MDGA2: variants seen among roughly 807,000 people sequenced by gnomAD.
MDGA2 encodes the protein MAM domain-containing glycosylphosphatidylinositol anchor protein 2.
MDGA2 carries 40 observed loss-of-function variants against 117.8 expected under a neutral mutation model. The ratio of observed to expected loss-of-function variants is 0.34; its 90% CI spans 0.26 to 0.44. The LOEUF (loss-of-function observed/expected upper bound fraction) is 0.44. Ranked by LOEUF, MDGA2 falls within the 20% of genes least tolerant of loss-of-function variation. The pLI, the probability that MDGA2 is intolerant of heterozygous loss-of-function variation, is 1.00. For missense variants in MDGA2, 1,123 were observed against 1,250.6 expected, an observed-to-expected ratio of 0.90 and a Z score of 1.54; for synonymous variants, 452 against 439.0, an observed-to-expected ratio of 1.03 and a Z score of -0.37.
intron 1 of MDGA2, among the ~76,000 whole-genome samples, chr14:47,461,265 A>ATGTGTGTG (rs1415422668): frequency 2.3e-4 from 3 of 13,268 alleles, no homozygotes; most frequent in South Asian, 4.8e-3. Flanking sequence ...AGTTAAAAAA[A>ATGTGTGTG]TGTATGTGTG....
intron 5 of MDGA2, among the ~76,000 whole-genome samples, chr14:47,120,834 C>G (rs1454047534): frequency 6.6e-6 from 1 of 152,140 alleles, no homozygotes; most frequent in Non-Finnish European, 1.5e-5. Flanking sequence ...TGAACTACCA[C>G]ATAGAGTCAT....
chr14:47,159,374 A>G (rs549719069), intron 3 of MDGA2, among the ~76,000 whole-genome samples: 6 of 152,330 alleles, frequency 3.9e-5, no homozygotes, highest in African/African-American at 1.2e-4. Context: ...CCTCCAAGGT[A>G]GAGCTCTAAT....
chr14:46,876,701 A>G (rs1224966202), intron 12 of MDGA2, among the ~76,000 whole-genome samples: 1 of 144,594 alleles, frequency 6.9e-6, no homozygotes, highest in African/African-American at 2.4e-5. Context: ...ATGAAAAAAC[A>G]AAACAAAAAA....
Position 47,154,210 on chromosome 14 carries a change from G to C in MDGA2, c.596-9936C>G, listed in dbSNP as rs892114345. ...TTCCTAGGATAAAATAAAACATAAG[G>C]AGCATTAGGAAAATGCCCAATGTTT... On this transcript the variant is annotated intron_variant, in intron 3 of 16. Coordinates refer to ENST00000399232, the MANE Select transcript of MDGA2 (RefSeq NM_001113498.3). 5.8e-4 allele frequency among the ~76,000 whole-genome samples: 89 copies of C among 152,236 alleles called. 1 individual carries two copies. The highest frequency in any genetic ancestry group is 2.1e-3 in the African/African-American group (88 of 41,518).
At chr14:47,438,948 C>A (rs1359703919) in intron 1 of MDGA2, among the ~76,000 whole-genome samples, 1 of 152,082 alleles carries the variant, frequency 6.6e-6, no homozygotes, top group African/African-American at 2.4e-5. Context: ...ACTCTATCTT[C>A]GCCAACTAAA....
chr14:46,842,228 A>C (rs1045469671), intron 16 of MDGA2, among the ~76,000 whole-genome samples: 2 of 152,166 alleles, frequency 1.3e-5, no homozygotes, highest in Admixed American at 1.3e-4. Flanking sequence ...TGATAAAAAG[A>C]TTTACAGATT....
At position 46,964,557 on chromosome 14, in the gene MDGA2, T is replaced by C. The variant is rs186259729; in HGVS notation, c.1820-6914A>G. 2.2e-3 allele frequency among the ~76,000 whole-genome samples: 334 copies of C among 152,244 alleles called. 2 individuals carry two copies. The highest frequency in any genetic ancestry group is 7.7e-3 in the African/African-American group (318 of 41,544). On this transcript the variant is annotated intron_variant, in intron 8 of 16. Coordinates refer to ENST00000399232, the MANE Select transcript of MDGA2 (RefSeq NM_001113498.3). Reference sequence around the variant, plus strand: ...TGATTTGCTAGAACAACTTGAAAACTTGAAAAGCAAATACATTGAGGACAA... The same window carrying C: ...TGATTTGCTAGAACAACTTGAAAACCTGAAAAGCAAATACATTGAGGACAA...
intron 3 of MDGA2, among the ~76,000 whole-genome samples, chr14:47,147,767 T>C (rs1453139419): frequency 2.6e-5 from 4 of 152,114 alleles, no homozygotes; most frequent in Admixed American, 2.6e-4. Flanking sequence ...AAGACTCTGG[T>C]TAGTCTCTTT....
At chr14:47,538,337 G>A (rs1194072302) in intron 1 of MDGA2, among the ~76,000 whole-genome samples, 1 of 151,968 alleles carries the variant, frequency 6.6e-6, no homozygotes, top group Non-Finnish European at 1.5e-5. Context: ...AGGAGAATCT[G>A]GTCAGTGCAT....
intron 5 of MDGA2, among the ~76,000 whole-genome samples, chr14:47,106,033 A>C (rs1880652700): frequency 6.6e-6 from 1 of 151,998 alleles, no homozygotes; most frequent in African/African-American, 2.4e-5. Flanking sequence ...GCTGGAGCTA[A>C]AGGAATAGTC....
intron 1 of MDGA2, among the ~76,000 whole-genome samples, chr14:47,552,256 C>T (rs950383267): frequency 2.0e-4 from 31 of 152,224 alleles, no homozygotes; most frequent in African/African-American, 6.0e-4. Context: ...CTTTGACTGT[C>T]GTATGTATCC....
At chr14:47,089,972 T>C (rs889923739) in intron 6 of MDGA2, among the ~76,000 whole-genome samples, 1 of 152,162 alleles carries the variant, frequency 6.6e-6, no homozygotes, top group African/African-American at 2.4e-5. Flanking sequence ...TCAGTGTTAG[T>C]TATTACTATT....
chr14:47,180,234 T>A (rs1884644763), intron 3 of MDGA2, among the ~76,000 whole-genome samples: 1 of 152,104 alleles, frequency 6.6e-6, no homozygotes, highest in Admixed American at 6.6e-5. Context: ...CCTCTAAGCA[T>A]CCATGTGTTC....
chr14:47,076,727 T>C (rs1431704764), intron 6 of MDGA2, among the ~76,000 whole-genome samples: 1 of 152,104 alleles, frequency 6.6e-6, no homozygotes, highest in Non-Finnish European at 1.5e-5. Flanking sequence ...ACATGAAACT[T>C]GGGAACAAAC....
At chr14:46,927,719 C>T (rs1194424037) in intron 9 of MDGA2, among the ~76,000 whole-genome samples, 1 of 152,168 alleles carries the variant, frequency 6.6e-6, no homozygotes, top group Non-Finnish European at 1.5e-5. Flanking sequence ...TTTATCAAAA[C>T]TATGTCTTCC....
At chr14:47,218,949 G>C (rs1160992098) in intron 2 of MDGA2, among the ~76,000 whole-genome samples, 3 of 151,966 alleles carry the variant, frequency 2.0e-5, no homozygotes, top group Non-Finnish European at 4.4e-5. Context: ...CGTTTTTGCT[G>C]GCAATAATGA....
intron 1 of MDGA2, among the ~76,000 whole-genome samples, chr14:47,406,598 A>G (rs1272617446): frequency 6.6e-6 from 1 of 152,070 alleles, no homozygotes; most frequent in Non-Finnish European, 1.5e-5. Flanking sequence ...AAGAATAGAC[A>G]GAAAGAGACA....
At chr14:46,847,248 G>T (rs1328349278) in intron 15 of MDGA2, among the ~76,000 whole-genome samples, 1 of 151,970 alleles carries the variant, frequency 6.6e-6, no homozygotes, top group African/African-American at 2.4e-5. Context: ...TGATAGCAGA[G>T]AAAAATTTGA....
intron 6 of MDGA2, among the ~76,000 whole-genome samples, chr14:47,080,019 C>T (rs911941271): frequency 6.6e-6 from 1 of 152,158 alleles, no homozygotes; most frequent in Non-Finnish European, 1.5e-5. Context: ...GCGTGAGCCA[C>T]CGTGCCCGGC....
Sources: allele counts gnomAD v4.1 joint callset (sites outside exome capture counted in the v4.1 genomes callset), GRCh38; gene constraint gnomAD v4.1.1; transcripts MANE v1.5; gene names NCBI Gene and HGNC (gene_info 2026-07-23, HGNC 2026-07-21).